Variants in TGFB2 observed in about 807,000 individuals in gnomAD.
TGFB2 encodes the protein transforming growth factor beta 2, also known as transforming growth factor beta-2 proprotein.
A neutral mutation model predicts 42.7 loss-of-function variants in TGFB2; 13 were observed. The observed-to-expected ratio is 0.30, with a 90% CI of 0.20 to 0.48. The LOEUF is 0.48. Ranked by LOEUF, TGFB2 falls within the 20% of genes least tolerant of loss-of-function variation. TGFB2 has a pLI of 0.99. For missense variants in TGFB2, 390 were observed against 517.5 expected, an observed-to-expected ratio of 0.75 and a Z score of 2.39; for synonymous variants, 193 against 193.6, an observed-to-expected ratio of 1.00 and a Z score of 0.03.
chr1:218,371,807 C>G (rs1295316072), intron 1 of TGFB2, among the ~76,000 whole-genome samples: 2 of 152,218 alleles, frequency 1.3e-5, no homozygotes, highest in African/African-American at 4.8e-5. Context: ...TGTTTCTTAT[C>G]TGTCTTGTGC....
At chr1:218,412,447 G>A (rs908388191) in intron 2 of TGFB2, among the ~76,000 whole-genome samples, 4 of 152,164 alleles carry the variant, frequency 2.6e-5, no homozygotes, top group Non-Finnish European at 5.9e-5. Flanking sequence ...TGAAACAGGA[G>A]TGGGTTTGGT....
Position 218,436,132 on chromosome 1 carries a change from C to A in TGFB2, c.917C>A (p.Ala306Glu), listed in dbSNP as rs989462091. Residue 306 changes from alanine (A) to glutamate (E), a missense_variant, in exon 5 of 7, where the codon GCG (alanine) becomes GAG (glutamate). Coordinates refer to ENST00000366930, the MANE Select transcript of TGFB2 (RefSeq NM_003238.6). The stretch of plus-strand genomic sequence containing the variant: ...CGGCGGAAGAAGCGTGCTTTGGATG[C>A]GGCCTATTGCTTTAGGTAAAGGAAA... ...TNRRKKRALD[A>E]AYCFRNVQDN... 5 of 1,609,182 alleles carry A rather than the reference C, an allele frequency of 3.1e-6. No individual in the cohort carries two copies. In the Admixed American group the frequency reaches 5.1e-5, roughly 16 times the overall value.
chr1:218,367,439 A>G (rs1261135331), intron 1 of TGFB2, among the ~76,000 whole-genome samples: 1 of 152,250 alleles, frequency 6.6e-6, no homozygotes, highest in East Asian at 1.9e-4. Context: ...AAGCAAAGTT[A>G]ATGATAAATC....
At chr1:218,359,068 G>A (rs1293523009) in intron 1 of TGFB2, among the ~76,000 whole-genome samples, 1 of 152,114 alleles carries the variant, frequency 6.6e-6, no homozygotes, top group South Asian at 2.1e-4. Context: ...GGGCTCTGCA[G>A]GTTAACGAGA....
intron 4 of TGFB2, 23 bp downstream of exon 4, chr1:218,434,471 A>T: frequency 1.0e-5 from 14 of 1,379,868 alleles, no homozygotes; most frequent in Non-Finnish European, 1.1e-5. Flanking sequence ...TGGTCATATG[A>T]GGTGGGGGAG....
At chr1:218,380,401 C>T (rs973833947) in intron 1 of TGFB2, among the ~76,000 whole-genome samples, 10 of 152,064 alleles carry the variant, frequency 6.6e-5, no homozygotes, top group African/African-American at 1.9e-4. Context: ...AAGCTCCTTA[C>T]AGTCTGAAAC....
At chr1:218,435,505 T>C (rs1012355222) in intron 4 of TGFB2, among the ~76,000 whole-genome samples, 14 of 152,312 alleles carry the variant, frequency 9.2e-5, no homozygotes, top group Admixed American at 8.5e-4. Flanking sequence ...TCACTCCAAT[T>C]CAGTTAAGTC....
intron 1 of TGFB2, among the ~76,000 whole-genome samples, chr1:218,404,259 C>T (rs907663550): frequency 9.9e-5 from 15 of 152,084 alleles, no homozygotes; most frequent in Admixed American, 5.2e-4. Context: ...ATTACAGGTG[C>T]GCGCCACCAC....
At chr1:218,429,131 C>T (rs975895757) in intron 2 of TGFB2, among the ~76,000 whole-genome samples, 2 of 151,998 alleles carry the variant, frequency 1.3e-5, no homozygotes, top group African/African-American at 4.8e-5. Flanking sequence ...CAGGTGTGTG[C>T]CACAACACCC....
chr1:218,405,035 G>A (rs1259853172), intron 1 of TGFB2, 134 bp from the exon 2 acceptor site: 3 of 896,388 alleles, frequency 3.3e-6, no homozygotes, highest in Non-Finnish European at 3.3e-6. Context: ...CATTGTTAAT[G>A]GTATTAAACT....
chr1:218,351,796 A>C (rs1656875639), intron 1 of TGFB2, among the ~76,000 whole-genome samples: 1 of 152,166 alleles, frequency 6.6e-6, no homozygotes, highest in African/African-American at 2.4e-5. Flanking sequence ...CTCCCTGGTG[A>C]AAAGATGGTG....
At position 218,436,019 on chromosome 1, in the gene TGFB2, G is replaced by A; in HGVS notation, c.804G>A (p.Lys268=). ...TYTSGDQKTI[K]STRKKNSGKT... ...CCAGTGGTGATCAGAAAACTATAAAGTCCACTAGGAAAAAAAACAGTGGGA... is the reference window on the plus strand; with the variant it reads ...CCAGTGGTGATCAGAAAACTATAAAATCCACTAGGAAAAAAAACAGTGGGA... The change falls in exon 5 of 7, where the codon AAG becomes AAA. Residue 268 remains lysine, a synonymous_variant. Coordinates refer to ENST00000366930, the MANE Select transcript of TGFB2 (RefSeq NM_003238.6). 1 of 1,613,938 alleles carries A rather than the reference G, an allele frequency of 6.2e-7. No individual in the cohort carries two copies. The highest frequency in any genetic ancestry group is 8.5e-7 in the Non-Finnish European group (1 of 1,179,902).
At chr1:218,372,766 A>G (rs537679055) in intron 1 of TGFB2, among the ~76,000 whole-genome samples, 1 of 152,308 alleles carries the variant, frequency 6.6e-6, no homozygotes, top group South Asian at 2.1e-4. Flanking sequence ...CAACTTCACT[A>G]TGTATCAGAA....
intron 1 of TGFB2, among the ~76,000 whole-genome samples, chr1:218,396,380 AAGTGGGCTGCC>A (rs1412760135): frequency 6.6e-6 from 1 of 152,120 alleles, no homozygotes; most frequent in East Asian, 1.9e-4. Flanking sequence ...GCAGAACTGG[AAGTGGGCTGCC>A]AGGCCATCTA....
intron 2 of TGFB2, among the ~76,000 whole-genome samples, chr1:218,430,846 T>G (rs542862559): frequency 1.8e-4 from 28 of 152,346 alleles, no homozygotes; most frequent in African/African-American, 6.5e-4. Flanking sequence ...ATTAAAGGTT[T>G]GGGAAATTAC....
At position 218,357,357 on chromosome 1, in the gene TGFB2, G is replaced by T. The variant is rs530442434; in HGVS notation, c.346+10310G>T. ...AGCCACACTAAGGCCTTGGGTAGTT[G>T]TTCACAGTGCAACATATTCTCTCAG... On this transcript the variant is annotated intron_variant, in intron 1 of 6. Transcript: ENST00000366930. Among the ~76,000 whole-genome samples, 3 of 152,278 alleles carry T rather than the reference G, an allele frequency of 2.0e-5. No individual in the cohort carries two copies. In the South Asian group the frequency reaches 6.2e-4, roughly 32 times the overall value.
intron 1 of TGFB2, among the ~76,000 whole-genome samples, chr1:218,398,683 G>A (rs1015131834): frequency 3.3e-5 from 5 of 152,154 alleles, no homozygotes; most frequent in African/African-American, 1.2e-4. Flanking sequence ...TGCCTCCCGG[G>A]TTCAAGCGAT....
chr1:218,354,996 G>A (rs186428767), intron 1 of TGFB2, among the ~76,000 whole-genome samples: 44 of 152,250 alleles, frequency 2.9e-4, no homozygotes, highest in Middle Eastern at 3.4e-3. Flanking sequence ...TCTGGCTCCC[G>A]GGTCCAAGCA....
chr1:218,378,079 A>C (rs1331206712), intron 1 of TGFB2, among the ~76,000 whole-genome samples: 1 of 150,888 alleles, frequency 6.6e-6, no homozygotes, highest in Non-Finnish European at 1.5e-5. Flanking sequence ...GGGTTCAAGC[A>C]ATTCTCCTGC....
Sources: gnomAD v4.1 joint callset for allele counts (sites outside exome capture counted in the v4.1 genomes callset) on GRCh38, gnomAD v4.1.1 for gene constraint, MANE v1.5 for transcripts, NCBI Gene and HGNC (gene_info 2026-07-23, HGNC 2026-07-21) for gene names.